BATF: variants seen among roughly 807,000 people sequenced by gnomAD.
The protein encoded by BATF is basic leucine zipper transcriptional factor ATF-like.
A neutral mutation model predicts 13.7 loss-of-function variants in BATF; 5 were observed. The observed-to-expected ratio is 0.36, with a 90% CI of 0.19 to 0.77. The LOEUF (loss-of-function observed/expected upper bound fraction) is 0.77, where lower values mean the gene tolerates loss of function less well. Among genes scored for constraint, BATF ranks in the 30% least tolerant of loss-of-function variants. The pLI is 0.51. For synonymous variants in BATF, 72 were observed against 67.5 expected (o/e 1.07, Z -0.33); for missense variants, 124 against 163.0 (o/e 0.76, Z 1.30).
chr14:75,535,461 G>A (rs912811203), intron 2 of BATF, among the ~76,000 whole-genome samples: 11 of 152,120 alleles, frequency 7.2e-5, no homozygotes, highest in Non-Finnish European at 1.6e-4. Context: ...GCTGTATTAA[G>A]GGACTAGGAT....
intron 2 of BATF, among the ~76,000 whole-genome samples, chr14:75,536,732 A>ATAAAATAAAATAAAG (rs1887824994): frequency 6.6e-6 from 1 of 150,520 alleles, no homozygotes; most frequent in Non-Finnish European, 1.5e-5. Flanking sequence ...TTAAAATAAA[A>ATAAAATAAAATAAAG]TAAAATAAAA....
At chr14:75,527,460 A>G (rs377681072) in intron 2 of BATF, among the ~76,000 whole-genome samples, 34 of 152,320 alleles carry the variant, frequency 2.2e-4, no homozygotes, top group South Asian at 1.2e-3. Context: ...ATTTATGAAC[A>G]GAAGAGTCTT....
intron 2 of BATF, among the ~76,000 whole-genome samples, chr14:75,542,140 A>G (rs899017571): frequency 3.9e-5 from 6 of 152,280 alleles, no homozygotes; most frequent in African/African-American, 1.2e-4. Context: ...TGAGAAAACA[A>G]GTGCCTTGAG....
chr14:75,541,965 A>G (rs1167776485), intron 2 of BATF, among the ~76,000 whole-genome samples: 1 of 150,912 alleles, frequency 6.6e-6, no homozygotes, highest in Non-Finnish European at 1.5e-5. Flanking sequence ...CACCTGGCCA[A>G]CTTTCTAGTG....
chr14:75,545,883 T>G (rs1174085557), intron 2 of BATF, among the ~76,000 whole-genome samples: 1 of 151,286 alleles, frequency 6.6e-6, no homozygotes, highest in African/African-American at 2.4e-5. Context: ...AGGAGAGATG[T>G]AGTCTTGCTG....
intron 2 of BATF, among the ~76,000 whole-genome samples, chr14:75,544,215 A>G (rs1332162093): frequency 6.6e-6 from 1 of 151,972 alleles, no homozygotes; most frequent in East Asian, 1.9e-4. Context: ...TCCAAATTTC[A>G]CTCCCTAGTA....
chr14:75,536,319 G>GC (rs936961254), intron 2 of BATF, among the ~76,000 whole-genome samples: 2 of 152,328 alleles, frequency 1.3e-5, no homozygotes, highest in African/African-American at 4.8e-5. Context: ...GGTGATCTCA[G>GC]CCTAGAGAGC....
chr14:75,528,576 T>A (rs1344201093), intron 2 of BATF, among the ~76,000 whole-genome samples: 2 of 152,228 alleles, frequency 1.3e-5, no homozygotes, highest in African/African-American at 4.8e-5. Context: ...AACAATCTAA[T>A]TCTGTTTTAA....
rs1194700255 is a variant in BATF at position 75,546,543 on chromosome 14, T to A, written c.250T>A (p.Ser84Thr). 2 of 1,614,026 alleles carry A rather than the reference T, an allele frequency of 1.2e-6. No homozygotes were observed. The highest frequency in any genetic ancestry group is 8.5e-7 in the Non-Finnish European group (1 of 1,180,018). ...QLTEELKYFT[S>T]VLNSHEPLCS... The stretch of plus-strand genomic sequence containing the variant: ...CACAGAGGAACTGAAGTACTTCACG[T>A]CGGTGCTGAACAGCCACGAGCCCCT... Residue 84 changes from serine to threonine, a missense_variant, in exon 3 of 3, where the codon TCG becomes ACG. Coordinates refer to ENST00000286639, the MANE Select transcript of BATF (RefSeq NM_006399.5).
At position 75,527,326 on chromosome 14, in the gene BATF, G is replaced by T. The variant is rs10083329; in HGVS notation, c.168+2138G>T. ...AATCACAGAAGCTCAGGGTTGAAAG[G>T]TTTCTTAAAGGCTAGAAAGTTTAGA... On this transcript the variant is annotated intron_variant, in intron 2 of 2. Coordinates refer to ENST00000286639, the MANE Select transcript of BATF (RefSeq NM_006399.5). Among the ~76,000 whole-genome samples, 364 of 152,186 alleles carry T rather than the reference G, an allele frequency of 2.4e-3. 3 individuals carry two copies. The highest frequency in any genetic ancestry group is 8.5e-3 in the African/African-American group (352 of 41,528).
intron 2 of BATF, among the ~76,000 whole-genome samples, chr14:75,542,539 C>G (rs72723624): frequency 6.6e-6 from 1 of 152,318 alleles, no homozygotes; most frequent in South Asian, 2.1e-4. Flanking sequence ...TTCAGCTGGG[C>G]GAGCCCTTTC....
intron 2 of BATF, among the ~76,000 whole-genome samples, chr14:75,529,899 C>T (rs1476133612): frequency 2.0e-5 from 3 of 151,890 alleles, no homozygotes; most frequent in African/African-American, 7.2e-5. Flanking sequence ...CCCGTCTCTA[C>T]TAAAAATACA....
intron 1 of BATF, among the ~76,000 whole-genome samples, chr14:75,523,220 AAAAGAAG>A (rs1285097045): frequency 2.7e-5 from 3 of 109,794 alleles, no homozygotes; most frequent in African/African-American, 7.8e-5. Flanking sequence ...AAAAAAAAAA[AAAAGAAG>A]AAGAAGAAGA....
intron 2 of BATF, among the ~76,000 whole-genome samples, chr14:75,525,922 A>C (rs921085202): frequency 6.6e-6 from 1 of 152,196 alleles, no homozygotes; most frequent in Admixed American, 6.5e-5. Flanking sequence ...GCTGTACCAG[A>C]TTCCTCTTTT....
Position 75,546,844 on chromosome 14 carries a change from G to A in BATF, c.*173G>A. The A allele has an allele frequency of 2.2e-6, 2 of 925,160 alleles. No individual in the cohort carries two copies. The highest frequency in any genetic ancestry group is 3.4e-6 in the Non-Finnish European group (2 of 589,968). The allele number at this position is 925,160 out of a possible 1,614,324, so 57.3% of individuals were successfully genotyped here. A position where few individuals can be genotyped will look rare whatever the true frequency, so the allele number is the denominator to read the frequency against. On this transcript the variant is annotated 3_prime_UTR_variant, in exon 3 of 3. Transcript: ENST00000286639. ...GGGCGTGAGGCCTCCCAGCAGTGCCGCAGCGTTTCGAGGGGCGTGTGCTGG... is the reference window on the plus strand; with the variant it reads ...GGGCGTGAGGCCTCCCAGCAGTGCCACAGCGTTTCGAGGGGCGTGTGCTGG...
At chr14:75,544,376 C>T (rs1887949086) in intron 2 of BATF, among the ~76,000 whole-genome samples, 2 of 151,820 alleles carry the variant, frequency 1.3e-5, no homozygotes, top group East Asian at 1.9e-4. Flanking sequence ...ACCAGCCTGG[C>T]CAACATGGTG....
At chr14:75,525,245 C>T (rs1595002140) in intron 2 of BATF, 57 bp downstream of exon 2, 1 of 1,527,772 alleles carries the variant, frequency 6.5e-7, no homozygotes, top group East Asian at 2.3e-5. Flanking sequence ...CCTCCGCCAT[C>T]TGGGAACCCT....
intron 2 of BATF, among the ~76,000 whole-genome samples, chr14:75,531,256 G>A (rs59766084): frequency 5.3e-5 from 8 of 152,284 alleles, no homozygotes; most frequent in African/African-American, 1.4e-4. Flanking sequence ...TGGCAAATCC[G>A]TTTCCTTTGT....
Position 75,539,909 on chromosome 14 carries a change from A to G in BATF, c.169-6553A>G, listed in dbSNP as rs185648757. On this transcript the variant is annotated intron_variant, in intron 2 of 2. Coordinates refer to ENST00000286639, the MANE Select transcript of BATF (RefSeq NM_006399.5). ...GCCTGCTCCAGGAATGGCGGGCTCC[A>G]CCCTCTGCATGTGACGTACAGGGGC... Among the ~76,000 whole-genome samples, 298 of 152,080 alleles carry G rather than the reference A, an allele frequency of 2.0e-3. 4 individuals are homozygous for G. In the South Asian group the frequency reaches 0.047, roughly 24 times the overall value.
Sources: gnomAD v4.1 joint callset for allele counts (sites outside exome capture counted in the v4.1 genomes callset) on GRCh38, gnomAD v4.1.1 for gene constraint, MANE v1.5 for transcripts, NCBI Gene and HGNC (gene_info 2026-07-23, HGNC 2026-07-21) for gene names.